CEP85L: variants seen among roughly 807,000 people sequenced by gnomAD.
CEP85L encodes the protein centrosomal protein 85L.
CEP85L carries 60 observed loss-of-function variants against 100.3 expected under a neutral mutation model. The ratio of observed to expected loss-of-function variants is 0.60; its 90% CI spans 0.49 to 0.74. The LOEUF is 0.74. Among genes scored for constraint, CEP85L ranks in the 30% least tolerant of loss-of-function variants. The pLI, the probability that CEP85L is intolerant of heterozygous loss-of-function variation, is 0.00. For missense variants in CEP85L, 973 were observed against 936.2 expected (o/e 1.04, Z -0.51); for synonymous variants, 319 against 322.7 (o/e 0.99, Z 0.12).
intron 1 of CEP85L, among the ~76,000 whole-genome samples, chr6:118,641,054 G>GA (rs1178990754): frequency 2.0e-5 from 3 of 151,988 alleles, no homozygotes; most frequent in Non-Finnish European, 4.4e-5. Context: ...ATAATGAGAA[G>GA]AAAAAAATCA....
chr6:118,495,414 C>T (rs1224981601), intron 5 of CEP85L, among the ~76,000 whole-genome samples: 1 of 152,070 alleles, frequency 6.6e-6, no homozygotes, highest in Non-Finnish European at 1.5e-5. Flanking sequence ...CCCATGCTAC[C>T]GTTCTCGTGA....
chr6:118,573,666 G>A (rs1261352339), intron 2 of CEP85L, among the ~76,000 whole-genome samples: 5 of 152,060 alleles, frequency 3.3e-5, no homozygotes, highest in Admixed American at 1.3e-4. Context: ...AGAGAATAAA[G>A]ATTCTGATTA....
At chr6:118,476,080 C>T (rs1252952138) in intron 10 of CEP85L, among the ~76,000 whole-genome samples, 3 of 152,088 alleles carry the variant, frequency 2.0e-5, no homozygotes, top group Admixed American at 2.0e-4. Context: ...CGCTAACAGG[C>T]CCAAGAACAT....
At chr6:118,706,828 G>A (rs969464505) in intron 1 of CEP85L, among the ~76,000 whole-genome samples, 3 of 151,672 alleles carry the variant, frequency 2.0e-5, no homozygotes, top group Non-Finnish European at 4.4e-5. Context: ...TCCACTTCTC[G>A]CTTAGCTACT....
intron 2 of CEP85L, among the ~76,000 whole-genome samples, chr6:118,573,352 T>G (rs1271729089): frequency 2.0e-5 from 3 of 152,186 alleles, no homozygotes; most frequent in Non-Finnish European, 4.4e-5. Context: ...TCTTTCCAGA[T>G]AGAAAAATAT....
intron 2 of CEP85L, among the ~76,000 whole-genome samples, chr6:118,610,237 C>T (rs1013364912): frequency 6.6e-6 from 1 of 152,134 alleles, no homozygotes; most frequent in African/African-American, 2.4e-5. Flanking sequence ...AAGCTCTTCA[C>T]CAAATTAATA....
chr6:118,488,958 G>A (rs1049798702), intron 6 of CEP85L, among the ~76,000 whole-genome samples: 9 of 152,250 alleles, frequency 5.9e-5, no homozygotes, highest in African/African-American at 1.7e-4. Context: ...AATGTAAGAA[G>A]AAGTGTTCTT....
chr6:118,647,149 T>C lies in CEP85L; in HGVS notation c.73+4048A>G, dbSNP rs371168525. On this transcript the variant is annotated intron_variant, in intron 1 of 12. Transcript: ENST00000368491. ...TCAGAACCACAGCAGAAAACAATAT[T>C]ATTAGTTGTAACCATACCAGTTATT... The C allele has an allele frequency of 3.0e-4, 233 of 771,298 alleles. 6 individuals carry two copies. In the South Asian group the frequency reaches 0.013, roughly 43 times the overall value. 47.8% of individuals were successfully genotyped at this position (771,298 alleles called of 1,614,324 possible).
intron 2 of CEP85L, 65 bp from the exon 3 acceptor site, chr6:118,566,381 CA>C: frequency 7.8e-7 from 1 of 1,276,744 alleles, no homozygotes; most frequent in Non-Finnish European, 1.1e-6. Flanking sequence ...AGGTAAAATG[CA>C]ATATGCCAAA....
chr6:118,609,599 C>A (rs1480361113), intron 2 of CEP85L, among the ~76,000 whole-genome samples: 1 of 152,020 alleles, frequency 6.6e-6, no homozygotes, highest in Non-Finnish European at 1.5e-5. Context: ...CCTTTCAAGA[C>A]CCAGTGAAAT....
intron 1 of CEP85L, chr6:118,709,995 A>G (rs1349428806): frequency 6.6e-6 from 1 of 152,112 alleles, no homozygotes; most frequent in African/African-American, 2.4e-5. Context: ...CTTTAAGAGA[A>G]AAAAAAAGGA....
intron 10 of CEP85L, among the ~76,000 whole-genome samples, chr6:118,477,439 T>C (rs62424176): frequency 0.17 from 25,146 of 152,124 alleles, 2,215 homozygotes; most frequent in Non-Finnish European, 0.19. Flanking sequence ...TATTTGACTT[T>C]TGTGGCAAAA....
chr6:118,500,334 C>A (rs113674017), intron 5 of CEP85L, among the ~76,000 whole-genome samples: 1 of 148,670 alleles, frequency 6.7e-6, no homozygotes, highest in Non-Finnish European at 1.5e-5. Context: ...AAACAGCAAA[C>A]TATTTATCAT....
intron 6 of CEP85L, among the ~76,000 whole-genome samples, chr6:118,485,274 G>C (rs1341976316): frequency 6.6e-6 from 1 of 151,936 alleles, no homozygotes; most frequent in Non-Finnish European, 1.5e-5. Context: ...ATATTCACTG[G>C]GAAAATAACT....
chr6:118,617,523 C>G (rs1341416216), intron 2 of CEP85L, among the ~76,000 whole-genome samples: 1 of 152,190 alleles, frequency 6.6e-6, no homozygotes, highest in Non-Finnish European at 1.5e-5. Context: ...AAGCATGTCA[C>G]AAAATAATTT....
intron 1 of CEP85L, among the ~76,000 whole-genome samples, chr6:118,698,533 A>G (rs1777287448): frequency 8.9e-6 from 1 of 111,914 alleles, no homozygotes; most frequent in African/African-American, 2.7e-5. Context: ...GTGTTTGCTG[A>G]AGCAGAAAAA....
chr6:118,473,610 G>A (rs538131479), intron 10 of CEP85L, among the ~76,000 whole-genome samples: 19 of 152,286 alleles, frequency 1.2e-4, no homozygotes, highest in African/African-American at 4.6e-4. Flanking sequence ...GCAGAGACAT[G>A]ATGTAATCTG....
chr6:118,603,225 G>A (rs1781872877), intron 2 of CEP85L, among the ~76,000 whole-genome samples: 1 of 31,360 alleles, frequency 3.2e-5, no homozygotes, highest in African/African-American at 1.5e-4. Context: ...ATAACTTGGA[G>A]CTCCTGGACC....
At chr6:118,570,595 C>T (rs1324678432) in intron 2 of CEP85L, among the ~76,000 whole-genome samples, 1 of 152,056 alleles carries the variant, frequency 6.6e-6, no homozygotes, top group Admixed American at 6.6e-5. Context: ...CCTAAAATTC[C>T]CTTATTACAA....
Sources: gnomAD v4.1 joint callset for allele counts (sites outside exome capture counted in the v4.1 genomes callset) on GRCh38, gnomAD v4.1.1 for gene constraint, MANE v1.5 for transcripts, NCBI Gene and HGNC (gene_info 2026-07-23, HGNC 2026-07-21) for gene names.